The following PATJ variants were observed in gnomAD, a reference collection of about 807,000 sequenced individuals.
PATJ encodes inaD-like protein.
Under a neutral mutation model 224.9 loss-of-function variants are expected in PATJ, and 190 were observed. The observed-to-expected ratio is 0.84, with a 90% CI of 0.75 to 0.95. PATJ has a LOEUF of 0.95. Ranked by LOEUF, PATJ falls within the 40% of genes least tolerant of loss-of-function variation. The probability of loss-of-function intolerance (pLI) is 0.00; values close to 1 mark genes in which losing one functional copy is unlikely to be tolerated. For missense variants in PATJ, 2,121 were observed against 2,270.3 expected (o/e 0.93, Z 1.34); for synonymous variants, 769 against 820.3 (o/e 0.94, Z 1.07).
chr1:62,013,913 A>T (rs565533678), intron 28 of PATJ, among the ~76,000 whole-genome samples: 22 of 152,240 alleles, frequency 1.4e-4, no homozygotes, highest in African/African-American at 5.3e-4. Context: ...AGCTGGGACC[A>T]CAGGCGCCTG....
intron 8 of PATJ, among the ~76,000 whole-genome samples, chr1:61,791,116 G>T (rs1649763418): frequency 6.6e-6 from 1 of 152,276 alleles, no homozygotes; most frequent in East Asian, 1.9e-4. Context: ...AGAAAACTCT[G>T]CCTTTAAAGG....
intron 1 of PATJ, among the ~76,000 whole-genome samples, chr1:61,756,672 G>A (rs1645661897): frequency 7.0e-6 from 1 of 142,668 alleles, no homozygotes; most frequent in African/African-American, 2.6e-5. Context: ...TCTGCCTCCC[G>A]GGTTCAAGTG....
At chr1:61,837,615 C>A (rs1660380175) in intron 17 of PATJ, among the ~76,000 whole-genome samples, 2 of 151,854 alleles carry the variant, frequency 1.3e-5, no homozygotes, top group South Asian at 4.2e-4. Context: ...ATGGTGACAC[C>A]CTGTCTGTAC....
In PATJ at chr1:61,821,127, A is replaced by G. The variant is rs112289224; in HGVS notation, c.1684-1818A>G. 2.6e-4 allele frequency among the ~76,000 whole-genome samples: 38 copies of G among 148,190 alleles called. 2 individuals are homozygous for G. The highest frequency in any genetic ancestry group is 8.8e-4 in the African/African-American group (35 of 39,920). ...GCAACCTCAGCTCACTGCAAGCTCC[A>G]CCTCCCGGGTTTACTTATGCCATTC... On this transcript the variant is annotated intron_variant, in intron 14 of 43. Coordinates refer to ENST00000642238, the MANE Select transcript of PATJ (RefSeq NM_001350145.3).
intron 41 of PATJ, 140 bp downstream of exon 41, chr1:62,129,085 A>G (rs1017135685): frequency 3.9e-6 from 2 of 506,392 alleles, no homozygotes; most frequent in Non-Finnish European, 7.1e-6. Context: ...GCAAGAAATT[A>G]TTATTTTTAT....
At chr1:61,792,411 C>T (rs546255283) in intron 9 of PATJ, among the ~76,000 whole-genome samples, 1 of 152,298 alleles carries the variant, frequency 6.6e-6, no homozygotes, top group African/African-American at 2.4e-5. Flanking sequence ...AGTTCCTAAA[C>T]TTATGGTTTT....
At chr1:61,835,562 C>G (rs1029115434) in intron 17 of PATJ, among the ~76,000 whole-genome samples, 1 of 152,098 alleles carries the variant, frequency 6.6e-6, no homozygotes, top group Non-Finnish European at 1.5e-5. Context: ...CACCACCATG[C>G]CCTCCTAACT....
At chr1:62,075,312 T>C (rs1658104140) in intron 31 of PATJ, among the ~76,000 whole-genome samples, 1 of 152,028 alleles carries the variant, frequency 6.6e-6, no homozygotes, top group South Asian at 2.1e-4. Flanking sequence ...TCCCTGAAGG[T>C]TTTCAATCAG....
chr1:62,139,218 T>C (rs1381714354), intron 41 of PATJ, among the ~76,000 whole-genome samples: 1 of 151,872 alleles, frequency 6.6e-6, no homozygotes, highest in East Asian at 1.9e-4. Flanking sequence ...CTGGCCAAGA[T>C]GGTGAAACCC....
chr1:61,937,530 T>C (rs1197624583), intron 27 of PATJ, among the ~76,000 whole-genome samples: 2 of 152,136 alleles, frequency 1.3e-5, no homozygotes, highest in Non-Finnish European at 2.9e-5. Flanking sequence ...TTTAAATCCA[T>C]CTGCTTGCTA....
chr1:61,877,099 A>G (rs1667438010), intron 21 of PATJ, among the ~76,000 whole-genome samples: 1 of 152,190 alleles, frequency 6.6e-6, no homozygotes, highest in Non-Finnish European at 1.5e-5. Context: ...CTCAGTGCAC[A>G]TGCTTACTTG....
intron 41 of PATJ, among the ~76,000 whole-genome samples, chr1:62,143,639 C>A (rs1428534518): frequency 1.3e-5 from 2 of 151,628 alleles, no homozygotes; most frequent in Non-Finnish European, 2.9e-5. Flanking sequence ...TAGTAGAGAC[C>A]AGATTTCACC....
At chr1:62,100,434 G>T in intron 33 of PATJ, 1 of 717,376 alleles carries the variant, frequency 1.4e-6, no homozygotes, top group South Asian at 1.5e-5. Context: ...AGAGAGGGAG[G>T]GGGGCTGAAC....
chr1:61,936,658 G>A (rs1036983774), intron 27 of PATJ, among the ~76,000 whole-genome samples: 20 of 151,786 alleles, frequency 1.3e-4, no homozygotes, highest in African/African-American at 3.4e-4. Flanking sequence ...TGTAACCTCC[G>A]CCTCCAGGGT....
chr1:62,038,451 T>C (rs6673889), intron 30 of PATJ: 33,856 of 156,804 alleles, frequency 0.22, 3,997 homozygotes, highest in Non-Finnish European at 0.26. Flanking sequence ...ACTAGCATAA[T>C]AAGATTGCTG....
chr1:62,160,839 G>A (rs892837725), intron 43 of PATJ, 69 bp from the exon 44 acceptor site: 25 of 1,527,992 alleles, frequency 1.6e-5, no homozygotes, highest in Non-Finnish European at 2.0e-5. Flanking sequence ...AGATGTTAGA[G>A]GTTTTAATAT....
At chr1:62,026,617 T>G (rs1647998669) in intron 29 of PATJ, among the ~76,000 whole-genome samples, 1 of 152,176 alleles carries the variant, frequency 6.6e-6, no homozygotes, top group Admixed American at 6.5e-5. Context: ...GGCACATAAC[T>G]TCTGCTTTTG....
At chr1:61,825,548 C>G (rs1447306505) in intron 15 of PATJ, among the ~76,000 whole-genome samples, 1 of 151,846 alleles carries the variant, frequency 6.6e-6, no homozygotes, top group African/African-American at 2.4e-5. Context: ...GAACTTAAAA[C>G]CAGAAACACA....
chr1:61,814,130 C>CTTCTTTT, intron 14 of PATJ, among the ~76,000 whole-genome samples: 1 of 85,900 alleles, frequency 1.2e-5, no homozygotes, highest in Non-Finnish European at 2.1e-5. Context: ...TTATTCTCTT[C>CTTCTTTT]TTTTTTTTTT....
Sources: gnomAD v4.1 joint callset for allele counts (sites outside exome capture counted in the v4.1 genomes callset) on GRCh38, gnomAD v4.1.1 for gene constraint, MANE v1.5 for transcripts, NCBI Gene and HGNC (gene_info 2026-07-23, HGNC 2026-07-21) for gene names.